Variants in CDH4 observed in about 807,000 individuals in gnomAD.
CDH4 encodes cadherin 4.
CDH4 carries 33 observed loss-of-function variants against 86.0 expected under a neutral mutation model. That is an observed-to-expected ratio of 0.38 (90% CI 0.29 to 0.51). The LOEUF is 0.51. Ranked by LOEUF, CDH4 falls within the 20% of genes least tolerant of loss-of-function variation. The pLI is 0.86. For synonymous variants in CDH4, 555 were observed against 549.4 expected (o/e 1.01, Z -0.14); for missense variants, 1,114 against 1,307.4 (o/e 0.85, Z 2.28).
At chr20:61,399,458 T>C (rs2085037797) in intron 2 of CDH4, among the ~76,000 whole-genome samples, 1 of 152,168 alleles carries the variant, frequency 6.6e-6, no homozygotes, top group East Asian at 1.9e-4. Context: ...AAAGATTTTT[T>C]ATTGGAAAAT....
intron 2 of CDH4, among the ~76,000 whole-genome samples, chr20:61,695,955 G>A (rs148147081): frequency 3.3e-4 from 50 of 152,222 alleles, no homozygotes; most frequent in African/African-American, 1.1e-3. Context: ...TCAGGCACCC[G>A]ACCAGCCCCC....
At chr20:61,639,756 T>G (rs957894454) in intron 2 of CDH4, among the ~76,000 whole-genome samples, 3 of 152,126 alleles carry the variant, frequency 2.0e-5, no homozygotes, top group Admixed American at 6.6e-5. Flanking sequence ...TTGTGGGGAC[T>G]CTTGGATCTG....
At chr20:61,690,172 AG>A (rs1211311556) in intron 2 of CDH4, among the ~76,000 whole-genome samples, 1 of 146,638 alleles carries the variant, frequency 6.8e-6, no homozygotes, top group Non-Finnish European at 1.5e-5. Context: ...CAGTGGGGAC[AG>A]TGGTTGGTGA....
chr20:61,437,613 T>G (rs2085291307), intron 2 of CDH4: 1 of 152,230 alleles, frequency 6.6e-6, no homozygotes, highest in African/African-American at 2.4e-5. Context: ...CTTTTACAAA[T>G]GGATCGTCAG....
At chr20:61,467,266 A>G (rs975814272) in intron 2 of CDH4, among the ~76,000 whole-genome samples, 1 of 152,240 alleles carries the variant, frequency 6.6e-6, no homozygotes, top group African/African-American at 2.4e-5. Flanking sequence ...AGTAAATAGC[A>G]ATGAAGAAAG....
chr20:61,438,019 T>C (rs1038677327), intron 2 of CDH4, among the ~76,000 whole-genome samples: 4 of 152,210 alleles, frequency 2.6e-5, no homozygotes, highest in African/African-American at 7.2e-5. Context: ...CGGACAGCAC[T>C]TAATGACCCG....
chr20:61,373,022 A>T (rs1044033838), intron 2 of CDH4, among the ~76,000 whole-genome samples: 1 of 152,264 alleles, frequency 6.6e-6, no homozygotes, highest in Non-Finnish European at 1.5e-5. Context: ...TATAAAAAGT[A>T]CTTTTCATAA....
intron 2 of CDH4, among the ~76,000 whole-genome samples, chr20:61,651,293 C>A (rs1246378624): frequency 6.6e-6 from 1 of 152,242 alleles, no homozygotes; most frequent in Non-Finnish European, 1.5e-5. Context: ...TCTCAACGCT[C>A]AGGGAAGGAC....
rs2088671076 is a variant in CDH4 at position 61,764,134 on chromosome 20, G to T, written c.397-8869G>T. ...CAAGACCCAGGCGGGGAGCAGGGCT[G>T]CCAGGAGCTTAAGAAAATAAAATAT... On this transcript the variant is annotated intron_variant, in intron 3 of 15. Transcript: ENST00000614565. Among the ~76,000 whole-genome samples, 3 of 152,186 alleles carry T rather than the reference G, an allele frequency of 2.0e-5. No individual in the cohort carries two copies. The South Asian group carries it at 6.2e-4, about 31-fold the overall frequency.
intron 2 of CDH4, among the ~76,000 whole-genome samples, chr20:61,441,170 C>T (rs1036663138): frequency 6.6e-6 from 1 of 152,216 alleles, no homozygotes; most frequent in East Asian, 1.9e-4. Flanking sequence ...TGAAACACAG[C>T]GTCCAACACC....
At chr20:61,274,249 A>G (rs1224959277) in intron 2 of CDH4, among the ~76,000 whole-genome samples, 6 of 120,424 alleles carry the variant, frequency 5.0e-5, no homozygotes, top group Admixed American at 2.1e-4. Context: ...TACCATGTAC[A>G]GTTTGGGGGA....
chr20:61,806,940 G>A (rs925482360), intron 4 of CDH4, among the ~76,000 whole-genome samples: 36 of 152,194 alleles, frequency 2.4e-4, no homozygotes, highest in African/African-American at 7.2e-4. Flanking sequence ...AGGTTTTCCC[G>A]TAATGCACGG....
chr20:61,928,219 C>T lies in CDH4; in HGVS notation c.1801C>T (p.Leu601Phe), dbSNP rs151081451. 2.3e-5 allele frequency: 37 copies of T among 1,603,158 alleles called. No homozygotes were observed. The highest frequency in any genetic ancestry group is 3.1e-5 in the Non-Finnish European group (36 of 1,179,878). Residue 601 changes from leucine (L) to phenylalanine (F), a missense_variant, in exon 12 of 16, where the codon CTC becomes TTC. Leu to Phe is a conservative substitution (Grantham distance 22). Transcript: ENST00000614565. ...GIPPASGTGTLQIYLIDINDN... is the reference protein window; with the variant it reads ...GIPPASGTGTFQIYLIDINDN... ...ACCCCCGGCCAGCGGCACCGGGACC[C>T]TCCAGATCTATCTCATTGACATCAA...
Position 61,708,859 on chromosome 20 carries a change from C to A in CDH4, c.170-34704C>A, listed in dbSNP as rs553146063. ...GCATTGGCAGACGTGCAGAACACCC[C>A]GCGTGCAATCTTTTCCTGGTAATTT... On this transcript the variant is annotated intron_variant, in intron 2 of 15. Transcript: ENST00000614565. The surrounding 1 kb of genome is among the most constrained non-coding windows in gnomAD (Gnocchi z 4.5). 6.6e-6 allele frequency among the ~76,000 whole-genome samples: 1 copy of A among 152,214 alleles called. No homozygotes were observed. Among genetic ancestry groups the A allele is most frequent in the Non-Finnish European group, 1.5e-5 (1 of 68,046 alleles).
chr20:61,291,153 A>G lies in CDH4; in HGVS notation c.169+36216A>G, dbSNP rs11905667. On this transcript the variant is annotated intron_variant, in intron 2 of 15. Transcript: ENST00000614565. ...CTCTCTTTTCCAGTCATCCTCCCCC[A>G]AGTCCTGTCTCTGAGTCTCACTGGC... Among the ~76,000 whole-genome samples the G allele has an allele frequency of 4.2e-3, 632 of 152,236 alleles. 2 individuals carry two copies. The highest frequency in any genetic ancestry group is 0.015 in the African/African-American group (613 of 41,530).
chr20:61,815,602 C>A (rs1980676773), intron 4 of CDH4, among the ~76,000 whole-genome samples: 3 of 152,202 alleles, frequency 2.0e-5, no homozygotes, highest in South Asian at 2.1e-4. Flanking sequence ...CCTGATGAAA[C>A]CTCCTCAGAG....
chr20:61,490,445 A>G (rs1249834751), intron 2 of CDH4, among the ~76,000 whole-genome samples: 1 of 152,200 alleles, frequency 6.6e-6, no homozygotes, highest in Non-Finnish European at 1.5e-5. Flanking sequence ...TCATGCCTGT[A>G]ATGCCAGCAC....
At chr20:61,731,047 A>G (rs2088175736) in intron 2 of CDH4, among the ~76,000 whole-genome samples, 1 of 152,072 alleles carries the variant, frequency 6.6e-6, no homozygotes. Context: ...GGCAGACCCC[A>G]GAGACCTCAC....
rs568979055 is a variant in CDH4 at position 61,877,513 on chromosome 20, G to A, written c.1050+3613G>A. ...ATGAGGAGACGCTGGTGTTGCGGGCGCTGGCGTTCTCCGCTGTGTGTGCCT... is the reference window on the plus strand; with the variant it reads ...ATGAGGAGACGCTGGTGTTGCGGGCACTGGCGTTCTCCGCTGTGTGTGCCT... On this transcript the variant is annotated intron_variant, in intron 7 of 15. Transcript: ENST00000614565. Among the ~76,000 whole-genome samples, 16 of 152,316 alleles carry A rather than the reference G, an allele frequency of 1.1e-4. No individual in the cohort carries two copies. The South Asian group carries it at 1.7e-3, about 16-fold the overall frequency.
Sources: allele counts gnomAD v4.1 joint callset (sites outside exome capture counted in the v4.1 genomes callset), GRCh38; gene constraint gnomAD v4.1.1; non-coding constraint Gnocchi (gnomAD v3.1); transcripts MANE v1.5; gene names NCBI Gene and HGNC (gene_info 2026-07-23, HGNC 2026-07-21).